The following ZNF559 variants were observed in gnomAD, a reference collection of about 807,000 sequenced individuals.
The protein encoded by ZNF559 is zinc finger protein 559.
Under a neutral mutation model 14.2 loss-of-function variants are expected in ZNF559, and 17 were observed. The observed-to-expected ratio is 1.20, with a 90% CI of 0.82 to 1.80. ZNF559 has a LOEUF of 1.80. ZNF559 is among the 40% of genes most tolerant of loss of function. ZNF559 has a pLI of 0.00. For synonymous variants in ZNF559, 244 were observed against 212.4 expected, an observed-to-expected ratio of 1.15 and a Z score of -1.29; for missense variants, 740 against 629.7, an observed-to-expected ratio of 1.18 and a Z score of -1.88.
chr19:9,334,119 C>T (rs781438746), intron 2 of ZNF559, among the ~76,000 whole-genome samples: 4 of 152,218 alleles, frequency 2.6e-5, no homozygotes, highest in Non-Finnish European at 4.4e-5. Context: ...TTAAATGCGA[C>T]CATATAACAT....
At chr19:9,337,761 A>G (rs1193098849) in intron 2 of ZNF559, 35 bp from the exon 3 acceptor site, 3 of 1,387,028 alleles carry the variant, frequency 2.2e-6, no homozygotes, top group African/African-American at 2.9e-5. Context: ...ATAATACTCT[A>G]GTGGCACTCA....
In ZNF559 at chr19:9,339,197, CAG is replaced by C; in HGVS notation, c.39_40del (p.Val14AspfsTer3). 1.2e-6 allele frequency: 2 copies of C among 1,613,810 alleles called. No individual in the cohort carries two copies. The highest frequency in any genetic ancestry group is 1.1e-5 in the South Asian group (1 of 91,078). On this transcript the variant is annotated frameshift_variant, in exon 5 of 7. Transcript: ENST00000603380. LOFTEE classifies it high-confidence loss of function. ...AGCATGTGTGTGATGGTTTAGGACTCAGTGACCTTTGAGGATGTGGCTGTGGA... is the reference window on the plus strand; with the variant it reads ...AGCATGTGTGTGATGGTTTAGGACTCTGACCTTTGAGGATGTGGCTGTGGA...
intron 6 of ZNF559, 54 bp from the exon 7 acceptor site, chr19:9,341,641 C>T: frequency 6.2e-7 from 1 of 1,603,416 alleles, no homozygotes; most frequent in Non-Finnish European, 8.5e-7. Flanking sequence ...GGGAGAATCT[C>T]AATGAAATAA....
Position 9,335,458 on chromosome 19 carries a change from T to C in ZNF559, c.-119-2338T>C, listed in dbSNP as rs1428288314. 3.3e-5 allele frequency among the ~76,000 whole-genome samples: 5 copies of C among 152,318 alleles called. No individual in the cohort carries two copies. The East Asian group carries it at 9.7e-4, about 29-fold the overall frequency. On this transcript the variant is annotated intron_variant, in intron 2 of 6. Coordinates refer to ENST00000603380, the MANE Select transcript of ZNF559 (RefSeq NM_032497.3). ...TCCAGCCTTGGGAAGAGTGCAGCCC[T>C]GTCTCCCCCATACCCCCAGAAAAAT...
rs1568369092 is a variant in ZNF559, at chr19:9,342,490, C to T, written c.1039C>T (p.His347Tyr). ...AGGTCTTATAAAACACAGGCGAACTCACACTGGAGAAAAGCCTTATGAATG... is the reference window on the plus strand; with the variant it reads ...AGGTCTTATAAAACACAGGCGAACTTACACTGGAGAAAAGCCTTATGAATG... ...SSGLIKHRRT[H>Y]TGEKPYECKE... is the part of the protein sequence containing the mutation. Residue 347 changes from histidine to tyrosine, a missense_variant, in exon 7 of 7, where the codon CAC (histidine) becomes TAC (tyrosine). Transcript: ENST00000603380. The T allele has an allele frequency of 6.2e-7, 1 of 1,614,144 alleles. No homozygotes were observed. The highest frequency in any genetic ancestry group is 8.5e-7 in the Non-Finnish European group (1 of 1,180,022).
intron 2 of ZNF559, among the ~76,000 whole-genome samples, chr19:9,336,594 C>CAA (rs571314932): frequency 1.5e-5 from 2 of 136,098 alleles, no homozygotes; most frequent in African/African-American, 2.7e-5. Flanking sequence ...GACTCCATCT[C>CAA]AAAAAAAAAA....
At chr19:9,339,612 G>A (rs1436002412) in intron 5 of ZNF559, among the ~76,000 whole-genome samples, 1 of 152,136 alleles carries the variant, frequency 6.6e-6, no homozygotes, top group Non-Finnish European at 1.5e-5. Context: ...AACAGTGAAT[G>A]AGAAAAGAGT....
At chr19:9,325,919 G>C (rs1014264567) in intron 2 of ZNF559, among the ~76,000 whole-genome samples, 4 of 151,978 alleles carry the variant, frequency 2.6e-5, no homozygotes, top group Non-Finnish European at 5.9e-5. Flanking sequence ...TTTTAAGCGT[G>C]TATCTCAAAT....
chr19:9,344,382 AC>A lies in ZNF559; in HGVS notation c.*1316del, dbSNP rs1435657408. The A allele has an allele frequency of 1.3e-5, 2 of 152,074 alleles. No homozygotes were observed. Among genetic ancestry groups the A allele is most frequent in the African/African-American group, 4.8e-5 (2 of 41,400 alleles). The allele number at this position is 152,074 out of a possible 1,614,324, so 9.4% of individuals were successfully genotyped here. ...GTACTGGCCAGGCATGCTGGCTCAC[AC>A]CTTAATTCCAGCAATTTGGGAGGCC... On this transcript the variant is annotated 3_prime_UTR_variant, in exon 7 of 7. Transcript: ENST00000603380.
intron 2 of ZNF559, among the ~76,000 whole-genome samples, chr19:9,336,973 A>G (rs925062779): frequency 6.6e-6 from 1 of 152,228 alleles, no homozygotes; most frequent in South Asian, 2.1e-4. Flanking sequence ...AAGGGTACAG[A>G]TTAGAATCTG....
At chr19:9,324,920 G>A (rs1379495983) in intron 2 of ZNF559, 140 bp downstream of exon 2, 1 of 699,414 alleles carries the variant, frequency 1.4e-6, no homozygotes, top group South Asian at 1.8e-5. Context: ...GTGGATGAAT[G>A]CACATAACTG....
Position 9,341,772 on chromosome 19 carries a change from G to C in ZNF559, c.321G>C (p.Lys107Asn), listed in dbSNP as rs780384921. ...CCTTGAGTGAACACTCATGCCTTAA[G>C]ACTCACAGGAGAACTTACTTTAGAA... ...EKALSEHSCL[K>N]THRRTYFRKK... The change falls in exon 7 of 7, where the codon AAG (lysine) becomes AAC (asparagine). Residue 107 changes from lysine (K) to asparagine (N), a missense_variant. Lys to Asn is a moderately conservative substitution (Grantham distance 94, BLOSUM62 0). Coordinates refer to ENST00000603380, the MANE Select transcript of ZNF559 (RefSeq NM_032497.3). 1 of 1,605,292 alleles carries C rather than the reference G, an allele frequency of 6.2e-7. No homozygotes were observed. Among genetic ancestry groups the C allele is most frequent in the East Asian group, 2.2e-5 (1 of 44,814 alleles).
At chr19:9,325,027 G>C (rs998827540) in intron 2 of ZNF559, among the ~76,000 whole-genome samples, 1 of 152,196 alleles carries the variant, frequency 6.6e-6, no homozygotes, top group Non-Finnish European at 1.5e-5. Flanking sequence ...TCCCCCAGAG[G>C]TTCAAAACGA....
chr19:9,343,637 G>A lies in ZNF559; in HGVS notation c.*569G>A. 1.0e-6 allele frequency: 1 copy of A among 988,608 alleles called. No homozygotes were observed. Among genetic ancestry groups the A allele is most frequent in the Non-Finnish European group, 1.2e-6 (1 of 831,908 alleles). 61.2% of individuals were successfully genotyped at this position (988,608 alleles called of 1,614,324 possible). A position where few individuals can be genotyped will look rare whatever the true frequency, so the allele number is the denominator to read the frequency against. ...AAGCACACATTGAGAAGTCCCATGA[G>A]TGAAAGAGATGTTGGAAAGCCCTTG... is the stretch of plus-strand genomic sequence containing the variant. On this transcript the variant is annotated 3_prime_UTR_variant, in exon 7 of 7. Coordinates refer to ENST00000603380, the MANE Select transcript of ZNF559 (RefSeq NM_032497.3).
At chr19:9,336,282 G>A (rs1246751301) in intron 2 of ZNF559, among the ~76,000 whole-genome samples, 1 of 152,046 alleles carries the variant, frequency 6.6e-6, no homozygotes, top group Non-Finnish European at 1.5e-5. Flanking sequence ...CATAGTACTT[G>A]TCACCAATTG....
chr19:9,331,192 T>C (rs772241348), intron 2 of ZNF559, among the ~76,000 whole-genome samples: 9 of 152,198 alleles, frequency 5.9e-5, no homozygotes, highest in Admixed American at 3.9e-4. Context: ...GAGAACCCTC[T>C]GAGAGGTCAG....
chr19:9,327,469 G>C (rs543046169), intron 2 of ZNF559, among the ~76,000 whole-genome samples: 1 of 152,048 alleles, frequency 6.6e-6, no homozygotes, highest in Non-Finnish European at 1.5e-5. Flanking sequence ...GGCTGGTCTC[G>C]AACTCTTGAC....
rs775056486 is a variant in ZNF559 at position 9,341,679 on chromosome 19, T to A, written c.244-16T>A. On this transcript the variant is annotated splice_polypyrimidine_tract_variant and intron_variant, in intron 6 of 6. Transcript: ENST00000603380. ...TTGGAAAACTTCTATGAACCATCATTAATTTTCACCAACAGGAGAGAAACC... is the reference window on the plus strand; with the variant it reads ...TTGGAAAACTTCTATGAACCATCATAAATTTTCACCAACAGGAGAGAAACC... 3 of 1,599,664 alleles carry A rather than the reference T, an allele frequency of 1.9e-6. No homozygotes were observed. The African/African-American group carries it at 4.1e-5, about 22-fold the overall frequency.
At chr19:9,340,490 C>T (rs1191394569) in intron 5 of ZNF559, among the ~76,000 whole-genome samples, 1 of 149,764 alleles carries the variant, frequency 6.7e-6, no homozygotes, top group African/African-American at 2.5e-5. Context: ...CTTTGTTTCC[C>T]TGGCTGTACC....
Sources: gnomAD v4.1 joint callset for allele counts (sites outside exome capture counted in the v4.1 genomes callset) on GRCh38, gnomAD v4.1.1 for gene constraint, MANE v1.5 for transcripts, NCBI Gene and HGNC (gene_info 2026-07-23, HGNC 2026-07-21) for gene names.